ROBO1: variants seen among roughly 807,000 people sequenced by gnomAD.
ROBO1 encodes roundabout homolog 1.
In ROBO1, 149 loss-of-function variants were observed where a neutral mutation model predicts 195.9. The ratio of observed to expected loss-of-function variants is 0.76; its 90% CI spans 0.67 to 0.87. ROBO1 has a LOEUF of 0.87. Ranked by LOEUF, ROBO1 falls within the 40% of genes least tolerant of loss-of-function variation. The probability of loss-of-function intolerance (pLI) is 0.00; values close to 1 mark genes in which losing one functional copy is unlikely to be tolerated. For synonymous variants in ROBO1, 816 were observed against 733.2 expected, an observed-to-expected ratio of 1.11 and a Z score of -1.82; for missense variants, 1,933 against 2,068.3, an observed-to-expected ratio of 0.93 and a Z score of 1.27.
At chr3:78,817,726 C>T (rs1271632320) in intron 4 of ROBO1, among the ~76,000 whole-genome samples, 1 of 152,182 alleles carries the variant, frequency 6.6e-6, no homozygotes, top group Non-Finnish European at 1.5e-5. Flanking sequence ...TTCAGCATCA[C>T]ATTGTTCTGG....
At chr3:78,961,726 A>T (rs1218742800) in intron 3 of ROBO1, among the ~76,000 whole-genome samples, 1 of 152,216 alleles carries the variant, frequency 6.6e-6, no homozygotes, top group East Asian at 1.9e-4. Context: ...CCACTAAACT[A>T]TAATGTAAAA....
At chr3:79,059,896 T>A (rs948098332) in intron 3 of ROBO1, among the ~76,000 whole-genome samples, 1 of 152,112 alleles carries the variant, frequency 6.6e-6, no homozygotes, top group Middle Eastern at 3.4e-3. Flanking sequence ...AACAGCGATT[T>A]TCAGGGAACA....
Position 78,852,348 on chromosome 3 carries a change from G to A in ROBO1, c.499+86253C>T, listed in dbSNP as rs146673690. On this transcript the variant is annotated intron_variant, in intron 4 of 30. Transcript: ENST00000464233. ...ATCATTATAAGAGATTTCTCTCTTCGGCATGGAAGAGAATGTCAGTTCTAC... is the reference window on the plus strand; with the variant it reads ...ATCATTATAAGAGATTTCTCTCTTCAGCATGGAAGAGAATGTCAGTTCTAC... Among the ~76,000 whole-genome samples, 1,208 of 152,098 alleles carry A rather than the reference G, an allele frequency of 7.9e-3. 13 individuals are homozygous for A. The highest frequency in any genetic ancestry group is 0.028 in the African/African-American group (1,147 of 41,494).
chr3:79,002,234 T>C (rs1481047539), intron 3 of ROBO1, among the ~76,000 whole-genome samples: 1 of 152,104 alleles, frequency 6.6e-6, no homozygotes, highest in Non-Finnish European at 1.5e-5. Flanking sequence ...AAGGGGGATA[T>C]GTCACACTCA....
At chr3:79,465,301 G>A (rs1223785010) in intron 2 of ROBO1, among the ~76,000 whole-genome samples, 3 of 152,060 alleles carry the variant, frequency 2.0e-5, no homozygotes, top group African/African-American at 4.8e-5. Flanking sequence ...TCTCTAAACT[G>A]TCTCAACTCA....
chr3:78,675,261 C>T (rs1708339043), intron 10 of ROBO1, among the ~76,000 whole-genome samples: 1 of 151,978 alleles, frequency 6.6e-6, no homozygotes, highest in Admixed American at 6.6e-5. Flanking sequence ...GTGATTTCTG[C>T]ATTTCTATCT....
intron 2 of ROBO1, among the ~76,000 whole-genome samples, chr3:79,568,475 A>G (rs1943161850): frequency 9.8e-6 from 1 of 101,552 alleles, no homozygotes; most frequent in Admixed American, 9.0e-5. Context: ...ACTATTTTCT[A>G]CATTGAAAAA....
intron 3 of ROBO1, among the ~76,000 whole-genome samples, chr3:79,091,317 T>C (rs771647595): frequency 6.6e-6 from 1 of 152,160 alleles, no homozygotes; most frequent in Non-Finnish European, 1.5e-5. Context: ...TTTTCAGGCA[T>C]GGTTTGGCAG....
intron 26 of ROBO1, among the ~76,000 whole-genome samples, chr3:78,626,788 A>G (rs1179399503): frequency 6.6e-6 from 1 of 151,672 alleles, no homozygotes; most frequent in Non-Finnish European, 1.5e-5. Flanking sequence ...CACACACTAT[A>G]TAATAATCTG....
At chr3:79,427,755 T>G (rs2038507118) in intron 2 of ROBO1, among the ~76,000 whole-genome samples, 1 of 152,168 alleles carries the variant, frequency 6.6e-6, no homozygotes, top group African/African-American at 2.4e-5. Flanking sequence ...AGAATGAAAC[T>G]AGACTGGTAT....
Position 78,598,742 on chromosome 3 carries a change from CAA to C in ROBO1, c.*169_*170del. 2.2e-6 allele frequency: 1 copy of C among 451,744 alleles called. No individual in the cohort carries two copies. Among genetic ancestry groups the C allele is most frequent in the Non-Finnish European group, 4.0e-6 (1 of 252,080 alleles). The allele number at this position is 451,744 out of a possible 1,614,324, so 28.0% of individuals were successfully genotyped here. On this transcript the variant is annotated 3_prime_UTR_variant, in exon 31 of 31. Coordinates refer to ENST00000464233, the MANE Select transcript of ROBO1 (RefSeq NM_002941.4). ...TGTAGGGTTAGGGATCAAACAACAACAATAAAAACCCAATAAAGTTTTTAAAA... is the reference window on the plus strand; with the variant it reads ...TGTAGGGTTAGGGATCAAACAACAACTAAAAACCCAATAAAGTTTTTAAAA...
intron 8 of ROBO1, among the ~76,000 whole-genome samples, chr3:78,701,292 G>C (rs916224200): frequency 6.6e-6 from 1 of 152,228 alleles, no homozygotes; most frequent in African/African-American, 2.4e-5. Flanking sequence ...TATATGAGCA[G>C]TTCCATACTT....
intron 4 of ROBO1, among the ~76,000 whole-genome samples, chr3:78,842,762 A>T (rs915441153): frequency 2.6e-5 from 4 of 151,700 alleles, no homozygotes; most frequent in African/African-American, 9.7e-5. Context: ...TTGCTATTGG[A>T]GCAATAATTT....
At chr3:78,854,877 A>C in intron 4 of ROBO1, among the ~76,000 whole-genome samples, 1 of 152,178 alleles carries the variant, frequency 6.6e-6, no homozygotes, top group East Asian at 1.9e-4. Context: ...AAAACATAGG[A>C]CAAACAAGAG....
At chr3:78,689,198 T>C (rs1261935785) in intron 8 of ROBO1, among the ~76,000 whole-genome samples, 2 of 152,212 alleles carry the variant, frequency 1.3e-5, no homozygotes, top group Admixed American at 6.5e-5. Context: ...TCTCCTGAAA[T>C]GCTACCATGC....
chr3:79,493,074 A>G (rs1157386353), intron 2 of ROBO1, among the ~76,000 whole-genome samples: 2 of 152,070 alleles, frequency 1.3e-5, no homozygotes, highest in Admixed American at 1.3e-4. Flanking sequence ...AAAACAAAAT[A>G]CATCAGGCTT....
chr3:79,733,141 T>G (rs1703225258), intron 1 of ROBO1, among the ~76,000 whole-genome samples: 1 of 152,196 alleles, frequency 6.6e-6, no homozygotes, highest in Non-Finnish European at 1.5e-5. Context: ...CCGCAAGGGC[T>G]ACACTTTTTA....
rs75625718 is a variant in ROBO1 at position 78,913,719 on chromosome 3, T to C, written c.499+24882A>G. 6.3e-3 allele frequency among the ~76,000 whole-genome samples: 958 copies of C among 152,222 alleles called. 10 individuals carry two copies. The highest frequency in any genetic ancestry group is 0.034 in the Middle Eastern group (10 of 294). ...ACTTGTGAAATGTTAGAGTTTCTGA[T>C]TAAACTTTGAAATAAAAAGAATAAA... On this transcript the variant is annotated intron_variant, in intron 4 of 30. Transcript: ENST00000464233.
At chr3:79,025,128 A>G (rs1191328494) in intron 3 of ROBO1, among the ~76,000 whole-genome samples, 3 of 152,210 alleles carry the variant, frequency 2.0e-5, no homozygotes, top group South Asian at 2.1e-4. Context: ...AATGGCTTCT[A>G]TGCTGTTCCT....
Sources: gnomAD v4.1 joint callset for allele counts (sites outside exome capture counted in the v4.1 genomes callset) on GRCh38, gnomAD v4.1.1 for gene constraint, MANE v1.5 for transcripts, NCBI Gene and HGNC (gene_info 2026-07-23, HGNC 2026-07-21) for gene names.